Variants in CADM2 observed in about 807,000 individuals in gnomAD.
CADM2 encodes immunoglobulin superfamily member 4D.
CADM2 carries 12 observed loss-of-function variants against 49.8 expected under a neutral mutation model. The ratio of observed to expected loss-of-function variants is 0.24; its 90% CI spans 0.15 to 0.39. The LOEUF is 0.39. Ranked by LOEUF, CADM2 falls within the 10% of genes least tolerant of loss-of-function variation. The pLI is 1.00. For missense variants in CADM2, 378 were observed against 492.3 expected, an observed-to-expected ratio of 0.77 and a Z score of 2.20; for synonymous variants, 214 against 175.4, an observed-to-expected ratio of 1.22 and a Z score of -1.74.
chr3:85,750,950 A>G (rs900060391), intron 2 of CADM2, among the ~76,000 whole-genome samples: 2 of 151,812 alleles, frequency 1.3e-5, no homozygotes, highest in Non-Finnish European at 2.9e-5. Flanking sequence ...ACAAAATTAC[A>G]TATAATATAG....
At chr3:85,122,632 A>C (rs925892918) in intron 1 of CADM2, among the ~76,000 whole-genome samples, 1 of 152,088 alleles carries the variant, frequency 6.6e-6, no homozygotes, top group Admixed American at 6.6e-5. Context: ...TGACTTTCAT[A>C]TTCATATATA....
At chr3:85,505,528 T>G (rs2107674360) in intron 1 of CADM2, among the ~76,000 whole-genome samples, 1 of 152,292 alleles carries the variant, frequency 6.6e-6, no homozygotes, top group East Asian at 1.9e-4. Context: ...TGTTTCTGAT[T>G]ATACCAATTA....
In CADM2 at chr3:85,992,624, A is replaced by G. The variant is rs1447945608; in HGVS notation, c.970+30977A>G. 3 of 152,178 alleles carry G rather than the reference A, an allele frequency of 2.0e-5. No individual in the cohort carries two copies. The East Asian group carries it at 5.8e-4, about 29-fold the overall frequency. 9.4% of individuals were successfully genotyped at this position (152,178 alleles called of 1,614,324 possible). On this transcript the variant is annotated intron_variant, in intron 8 of 9. Transcript: ENST00000383699. The stretch of plus-strand genomic sequence containing the variant: ...TTTTTGTTTGTTTCTTAGTGCATAT[A>G]AAAGTTAACTATCCCATAGTCTATT...
chr3:85,567,842 G>T (rs1025835548), intron 1 of CADM2, among the ~76,000 whole-genome samples: 1 of 152,140 alleles, frequency 6.6e-6, no homozygotes, highest in African/African-American at 2.4e-5. Context: ...TCAGTCTGAG[G>T]TCAAAGGCCT....
At chr3:85,359,333 G>T (rs557642460) in intron 1 of CADM2, among the ~76,000 whole-genome samples, 1 of 151,984 alleles carries the variant, frequency 6.6e-6, no homozygotes. Flanking sequence ...GCTGGACAGA[G>T]AAATTTTGAA....
At chr3:85,554,421 G>A (rs2107138987) in intron 1 of CADM2, among the ~76,000 whole-genome samples, 1 of 151,948 alleles carries the variant, frequency 6.6e-6, no homozygotes, top group African/African-American at 2.4e-5. Flanking sequence ...CAAAGGTTAG[G>A]GACCCCTGTT....
At chr3:85,632,498 T>C (rs2064343876) in intron 1 of CADM2, among the ~76,000 whole-genome samples, 1 of 151,884 alleles carries the variant, frequency 6.6e-6, no homozygotes, top group Non-Finnish European at 1.5e-5. Flanking sequence ...GGGAAGAGCC[T>C]TTTGTTGGCT....
Position 85,491,322 on chromosome 3 carries a change from A to G in CADM2, c.62-235200A>G, listed in dbSNP as rs1003518784. Among the ~76,000 whole-genome samples, 4 of 152,184 alleles carry G rather than the reference A, an allele frequency of 2.6e-5. No individual in the cohort carries two copies. The East Asian group carries it at 5.8e-4, about 22-fold the overall frequency. ...TTAGATTTGGAAATTTTTTAATAAG[A>G]CAAAATAGAAAAAAATACCTAATGA... On this transcript the variant is annotated intron_variant, in intron 1 of 9. Coordinates refer to ENST00000383699, the MANE Select transcript of CADM2 (RefSeq NM_001167675.2).
At chr3:85,824,145 A>G (rs2073770869) in intron 3 of CADM2, among the ~76,000 whole-genome samples, 1 of 152,160 alleles carries the variant, frequency 6.6e-6, no homozygotes, top group Non-Finnish European at 1.5e-5. Context: ...AGGATGCTTA[A>G]AAAGCACTAA....
At chr3:85,890,896 C>A (rs1448216905) in intron 5 of CADM2, among the ~76,000 whole-genome samples, 1 of 152,034 alleles carries the variant, frequency 6.6e-6, no homozygotes, top group Non-Finnish European at 1.5e-5. Flanking sequence ...ATTGAAATAA[C>A]TATGAAACTT....
intron 1 of CADM2, among the ~76,000 whole-genome samples, chr3:85,643,348 C>A (rs1049025694): frequency 3.3e-5 from 5 of 152,090 alleles, no homozygotes; most frequent in East Asian, 1.9e-4. Flanking sequence ...ATTGTAGTGA[C>A]AAGTAGACGT....
At chr3:85,326,388 G>T (rs1443375680) in intron 1 of CADM2, among the ~76,000 whole-genome samples, 3 of 151,978 alleles carry the variant, frequency 2.0e-5, no homozygotes, top group Non-Finnish European at 4.4e-5. Flanking sequence ...TAAAAGTGTT[G>T]ACTGAGTTGA....
chr3:85,112,213 C>A (rs1344767968), intron 1 of CADM2, among the ~76,000 whole-genome samples: 1 of 151,842 alleles, frequency 6.6e-6, no homozygotes, highest in East Asian at 1.9e-4. Context: ...ATCCATATAT[C>A]CTTCTCATCA....
chr3:85,375,707 A>C (rs939235003), intron 1 of CADM2, among the ~76,000 whole-genome samples: 1 of 152,138 alleles, frequency 6.6e-6, no homozygotes. Context: ...TTGTGTATTA[A>C]AAATTAATGT....
At chr3:85,575,145 G>T (rs1034035857) in intron 1 of CADM2, among the ~76,000 whole-genome samples, 1 of 152,260 alleles carries the variant, frequency 6.6e-6, no homozygotes, top group East Asian at 1.9e-4. Context: ...CCATATCAAT[G>T]AGACTACTCT....
intron 2 of CADM2, among the ~76,000 whole-genome samples, chr3:85,748,252 T>A (rs190210145): frequency 2.1e-4 from 32 of 152,146 alleles, no homozygotes; most frequent in Admixed American, 1.9e-3. Context: ...GGCCTCAATA[T>A]TGTTAGCTTT....
At position 85,874,943 on chromosome 3, in the gene CADM2, G is replaced by A. The variant is rs547798708; in HGVS notation, c.239-8348G>A. Among the ~76,000 whole-genome samples, 11 of 152,036 alleles carry A rather than the reference G, an allele frequency of 7.2e-5. No individual in the cohort carries two copies. The South Asian group carries it at 2.3e-3, about 32-fold the overall frequency. On this transcript the variant is annotated intron_variant, in intron 3 of 9. Coordinates refer to ENST00000383699, the MANE Select transcript of CADM2 (RefSeq NM_001167675.2). ...ACAATACTAAACATAGAAATACTAG[G>A]GTGTAAAAACTGAAATTCTATTACT...
intron 1 of CADM2, among the ~76,000 whole-genome samples, chr3:85,068,208 T>C (rs529416867): frequency 1.8e-4 from 28 of 152,216 alleles, no homozygotes; most frequent in Admixed American, 8.5e-4. Context: ...AATATCTATT[T>C]TCCCATTGAT....
intron 1 of CADM2, among the ~76,000 whole-genome samples, chr3:85,307,114 A>G (rs1251898685): frequency 6.6e-6 from 1 of 151,550 alleles, no homozygotes; most frequent in East Asian, 1.9e-4. Context: ...GATTATCATT[A>G]TGTTGCAAAA....
Sources: gnomAD v4.1 joint callset for allele counts (sites outside exome capture counted in the v4.1 genomes callset) on GRCh38, gnomAD v4.1.1 for gene constraint, MANE v1.5 for transcripts, NCBI Gene and HGNC (gene_info 2026-07-23, HGNC 2026-07-21) for gene names.